The following FBN2 variants were observed in gnomAD, a reference collection of about 807,000 sequenced individuals.
FBN2 encodes fibrillin 2, also known as fibrillin-2.
A neutral mutation model predicts 355.6 loss-of-function variants in FBN2; 105 were observed. The observed-to-expected ratio is 0.30, with a 90% CI of 0.25 to 0.35. FBN2 has a LOEUF of 0.35. FBN2 is among the 10% of genes least tolerant of loss of function. The pLI is 1.00. For missense variants in FBN2, 3,280 were observed against 3,758.7 expected, an observed-to-expected ratio of 0.87 and a Z score of 3.33; for synonymous variants, 1,350 against 1,301.2, an observed-to-expected ratio of 1.04 and a Z score of -0.81.
At chr5:128,478,991 G>T (rs374925805) in intron 5 of FBN2, among the ~76,000 whole-genome samples, 1 of 152,072 alleles carries the variant, frequency 6.6e-6, no homozygotes, top group Non-Finnish European at 1.5e-5. Context: ...TCAGTATATG[G>T]GATCCCTTGT....
At chr5:128,335,714 A>C (rs1750818734) in intron 28 of FBN2, 137 bp from the exon 29 acceptor site, 67 of 1,112,836 alleles carry the variant, frequency 6.0e-5, no homozygotes, top group South Asian at 5.5e-4. Context: ...TATCTTTCTT[A>C]GTTCTTTCAC....
Position 128,519,283 on chromosome 5 carries a change from C to T in FBN2, c.618G>A (p.Gln206=), listed in dbSNP as rs1756366536. ...CATTTCTCTTCTTACCTCTTTCACACTGTGGACCAGTGAACCCATAAACAC... is the reference window on the plus strand; with the variant it reads ...CATTTCTCTTCTTACCTCTTTCACATTGTGGACCAGTGAACCCATAAACAC... ...CACVYGFTGP[Q]CERDYRTGPC... Residue 206 remains glutamine, a synonymous_variant, in exon 5 of 65, where the codon CAG becomes CAA. Coordinates refer to ENST00000262464, the MANE Select transcript of FBN2 (RefSeq NM_001999.4). 1 of 1,611,702 alleles carries T rather than the reference C, an allele frequency of 6.2e-7. No individual in the cohort carries two copies. Among genetic ancestry groups the T allele is most frequent in the Non-Finnish European group, 8.5e-7 (1 of 1,177,890 alleles).
chr5:128,492,553 A>G (rs889099345), intron 5 of FBN2, among the ~76,000 whole-genome samples: 4 of 152,210 alleles, frequency 2.6e-5, no homozygotes, highest in African/African-American at 9.6e-5. Context: ...CTGTAATCCC[A>G]GCACTTTGGG....
At chr5:128,507,278 C>G (rs973557969) in intron 5 of FBN2, among the ~76,000 whole-genome samples, 5 of 152,026 alleles carry the variant, frequency 3.3e-5, no homozygotes, top group African/African-American at 1.2e-4. Context: ...ATGTTATTTA[C>G]AGCAGTCCCT....
At chr5:128,369,805 G>A (rs906995685) in intron 15 of FBN2, among the ~76,000 whole-genome samples, 1 of 152,136 alleles carries the variant, frequency 6.6e-6, no homozygotes, top group Non-Finnish European at 1.5e-5. Flanking sequence ...TCCGAGTTAG[G>A]AGGCCTTTCT....
At chr5:128,467,385 T>C (rs570610629) in intron 5 of FBN2, among the ~76,000 whole-genome samples, 38 of 152,188 alleles carry the variant, frequency 2.5e-4, no homozygotes, top group Admixed American at 3.3e-4. Context: ...TTCTGGTTGG[T>C]AACTAAATAC....
chr5:128,284,693 G>A (rs987081499), intron 55 of FBN2, among the ~76,000 whole-genome samples: 15 of 152,304 alleles, frequency 9.8e-5, no homozygotes, highest in African/African-American at 3.4e-4. Context: ...TTAGGGAGTC[G>A]TGTGGCTCTG....
At chr5:128,381,922 T>C (rs1053532247) in intron 11 of FBN2, among the ~76,000 whole-genome samples, 1 of 152,110 alleles carries the variant, frequency 6.6e-6, no homozygotes, top group Non-Finnish European at 1.5e-5. Flanking sequence ...TAGTTTAGAA[T>C]GATTGTTTTT....
At position 128,302,007 on chromosome 5, in the gene FBN2, CATTAAGT is replaced by C. The variant is rs1158269949; in HGVS notation, c.5918-504_5918-498del. Among the ~76,000 whole-genome samples the C allele has an allele frequency of 6.6e-5, 10 of 152,254 alleles. No homozygotes were observed. The East Asian group carries it at 1.9e-3, about 29-fold the overall frequency. ...TCAAACATAATTGAAAGAAAAAAGACATTAAGTATTAAGTTTTCATTTAAGTTTTAGT... is the reference window on the plus strand; with the variant it reads ...TCAAACATAATTGAAAGAAAAAAGACATTAAGTTTTCATTTAAGTTTTAGT... On this transcript the variant is annotated intron_variant, in intron 46 of 64. Coordinates refer to ENST00000262464, the MANE Select transcript of FBN2 (RefSeq NM_001999.4).
chr5:128,307,848 A>G (rs898540067), intron 41 of FBN2, among the ~76,000 whole-genome samples: 45 of 152,130 alleles, frequency 3.0e-4, no homozygotes, highest in Non-Finnish European at 8.8e-5. Context: ...TCACTGCTAT[A>G]CAAGTGAGTA....
intron 7 of FBN2, among the ~76,000 whole-genome samples, chr5:128,431,292 A>G (rs1047776696): frequency 6.6e-6 from 1 of 152,016 alleles, no homozygotes; most frequent in Non-Finnish European, 1.5e-5. Flanking sequence ...TAAGAATTAA[A>G]ATCGCTTTCT....
At chr5:128,318,109 T>A in intron 36 of FBN2, 40 bp downstream of exon 36, 1 of 1,606,150 alleles carries the variant, frequency 6.2e-7, no homozygotes, top group South Asian at 1.1e-5. Context: ...AATATTCAAC[T>A]TGATAATTCT....
At chr5:128,269,602 TCAAA>T (rs999144468) in intron 62 of FBN2, among the ~76,000 whole-genome samples, 5 of 151,654 alleles carry the variant, frequency 3.3e-5, no homozygotes, top group Admixed American at 6.6e-5. Context: ...AAGCAGAGAG[TCAAA>T]CAATGAATGA....
intron 34 of FBN2, among the ~76,000 whole-genome samples, chr5:128,324,615 TTTTC>T (rs1750491585): frequency 6.7e-6 from 1 of 150,036 alleles, no homozygotes; most frequent in Non-Finnish European, 1.5e-5. Flanking sequence ...TTTGTTTTCT[TTTTC>T]TTTTTTTTTT....
chr5:128,296,781 A>G (rs1250815528), intron 48 of FBN2, among the ~76,000 whole-genome samples: 1 of 152,152 alleles, frequency 6.6e-6, no homozygotes, highest in Non-Finnish European at 1.5e-5. Context: ...ATCCTTTCAA[A>G]AAACCAGCTC....
At chr5:128,286,911 T>A (rs1749167969) in intron 54 of FBN2, 62 bp from the exon 55 acceptor site, 10 of 1,516,912 alleles carry the variant, frequency 6.6e-6, no homozygotes, top group Non-Finnish European at 9.0e-6. Flanking sequence ...TACTTTTAAG[T>A]CACAGGTGTG....
rs1486757437 is a variant in FBN2, at chr5:128,537,759, G to C, written c.-156C>G. 1.4e-6 allele frequency: 1 copy of C among 736,116 alleles called. No individual in the cohort carries two copies. The highest frequency in any genetic ancestry group is 2.2e-6 in the Non-Finnish European group (1 of 446,422). The allele number at this position is 736,116 out of a possible 1,614,324, so 45.6% of individuals were successfully genotyped here. A position where few individuals can be genotyped will look rare whatever the true frequency, so the allele number is the denominator to read the frequency against. ...GCTCCCTGCTCTAGCTGGAGACCTC[G>C]ACAGAGCGCCGGCCCCCTGACTGCC... On this transcript the variant is annotated 5_prime_UTR_variant, in exon 1 of 65. Coordinates refer to ENST00000262464, the MANE Select transcript of FBN2 (RefSeq NM_001999.4).
intron 11 of FBN2, among the ~76,000 whole-genome samples, chr5:128,381,933 T>C (rs539278584): frequency 2.1e-4 from 32 of 152,194 alleles, no homozygotes; most frequent in African/African-American, 7.5e-4. Flanking sequence ...GATTGTTTTT[T>C]CCAAAACATC....
At chr5:128,332,794 A>G in intron 32 of FBN2, 118 bp downstream of exon 32, 1 of 1,059,524 alleles carries the variant, frequency 9.4e-7, no homozygotes, top group Non-Finnish European at 1.5e-6. Flanking sequence ...TCTTGCAACT[A>G]AGATAACCTT....
Sources: gnomAD v4.1 joint callset for allele counts (sites outside exome capture counted in the v4.1 genomes callset) on GRCh38, gnomAD v4.1.1 for gene constraint, MANE v1.5 for transcripts, NCBI Gene and HGNC (gene_info 2026-07-23, HGNC 2026-07-21) for gene names.